KLC1: variants seen among roughly 807,000 people sequenced by gnomAD.
KLC1 encodes kinesin 2 60/70kDa.
A neutral mutation model predicts 84.2 loss-of-function variants in KLC1; 30 were observed. The observed-to-expected ratio is 0.36, with a 90% CI of 0.27 to 0.48. KLC1 has a LOEUF of 0.48. KLC1 is among the 20% of genes least tolerant of loss of function. The pLI is 0.99. For synonymous variants in KLC1, 289 were observed against 293.3 expected, an observed-to-expected ratio of 0.99 and a Z score of 0.15; for missense variants, 499 against 805.4, an observed-to-expected ratio of 0.62 and a Z score of 4.60.
intron 1 of KLC1, among the ~76,000 whole-genome samples, chr14:103,649,022 A>G (rs2078175534): frequency 6.6e-6 from 1 of 152,050 alleles, no homozygotes; most frequent in African/African-American, 2.4e-5. Context: ...CTGTAGTCCC[A>G]GCTACTTGGG....
chr14:103,673,895 C>T (rs2080645990), intron 9 of KLC1, among the ~76,000 whole-genome samples: 2 of 151,942 alleles, frequency 1.3e-5, no homozygotes. Flanking sequence ...TGCACTCCAG[C>T]CTGGGCAACA....
At chr14:103,644,214 CAAAAA>C (rs376316737) in intron 1 of KLC1, among the ~76,000 whole-genome samples, 3 of 59,098 alleles carry the variant, frequency 5.1e-5, no homozygotes, top group South Asian at 1.6e-3. Flanking sequence ...GACTCTGTCT[CAAAAA>C]AAAAAAAAAA....
At chr14:103,677,554 A>G (rs978690343) in intron 12 of KLC1, 31 bp downstream of exon 12, 11 of 1,331,960 alleles carry the variant, frequency 8.3e-6, no homozygotes, top group Admixed American at 1.8e-5. Flanking sequence ...TAACCGGCCC[A>G]TGGGAACTTT....
At chr14:103,649,562 C>CAAAA (rs35297746) in intron 1 of KLC1, among the ~76,000 whole-genome samples, 17 of 75,754 alleles carry the variant, frequency 2.2e-4, no homozygotes, top group African/African-American at 5.1e-4. Flanking sequence ...GACCTCATCT[C>CAAAA]AAAAAAAAAA....
In KLC1 at chr14:103,701,363, C is replaced by G; in HGVS notation, c.*164C>G. On this transcript the variant is annotated 3_prime_UTR_variant, in exon 17 of 17. Coordinates refer to ENST00000334553, the MANE Select transcript of KLC1 (RefSeq NM_001394837.1). ...GGACATGATACTAATAACCACACGG[C>G]TGGCGTGACCTTGGGGCTGGGGCTG... 2.8e-6 allele frequency: 2 copies of G among 708,234 alleles called. No homozygotes were observed. Among genetic ancestry groups the G allele is most frequent in the Non-Finnish European group, 4.5e-6 (2 of 444,966 alleles). The allele number at this position is 708,234 out of a possible 1,614,324, so 43.9% of individuals were successfully genotyped here.
intron 15 of KLC1, chr14:103,697,530 C>T (rs911500507): frequency 2.0e-5 from 3 of 151,964 alleles, no homozygotes; most frequent in African/African-American, 4.8e-5. Flanking sequence ...AGTACCTATC[C>T]CTAGGAGTTG....
chr14:103,696,812 G>A, intron 15 of KLC1: 4 of 985,502 alleles, frequency 4.1e-6, no homozygotes, highest in Non-Finnish European at 4.8e-6. Context: ...GGTCTTCAGG[G>A]CAAGACCCAT....
Position 103,694,596 on chromosome 14 carries a change from G to A in KLC1, c.1848+2171G>A, listed in dbSNP as rs961145543. ...GTAAAGAGCATACAAAACAGACGCC[G>A]AGGTGATCAGTGATTCCAAAGGCTG... On this transcript the variant is annotated intron_variant, in intron 15 of 16. Coordinates refer to ENST00000334553, the MANE Select transcript of KLC1 (RefSeq NM_001394837.1). The surrounding 1 kb of genome is among the most constrained non-coding windows in gnomAD (Gnocchi z 4.5). The A allele has an allele frequency of 6.1e-6, 6 of 985,374 alleles. No individual in the cohort carries two copies. The East Asian group carries it at 3.4e-4, about 56-fold the overall frequency. The allele number at this position is 985,374 out of a possible 1,614,324, so 61.0% of individuals were successfully genotyped here.
At chr14:103,650,438 C>T (rs55647106) in intron 1 of KLC1, among the ~76,000 whole-genome samples, 9 of 152,094 alleles carry the variant, frequency 5.9e-5, no homozygotes, top group Admixed American at 3.3e-4. Context: ...CAGGCATACA[C>T]GGCATGAGAG....
chr14:103,676,394 G>A (rs1299097885), intron 11 of KLC1, among the ~76,000 whole-genome samples: 1 of 152,020 alleles, frequency 6.6e-6, no homozygotes, highest in Non-Finnish European at 1.5e-5. Flanking sequence ...TCAGCCTCCC[G>A]AATAGCTGAG....
At chr14:103,653,437 T>G (rs1033283095) in intron 1 of KLC1, among the ~76,000 whole-genome samples, 3 of 152,110 alleles carry the variant, frequency 2.0e-5, no homozygotes, top group Non-Finnish European at 4.4e-5. Context: ...TTCTCGTGCC[T>G]CAGCCCCCTG....
chr14:103,639,858 C>T (rs1595252372), intron 1 of KLC1, among the ~76,000 whole-genome samples: 2 of 151,336 alleles, frequency 1.3e-5, no homozygotes, highest in African/African-American at 4.9e-5. Context: ...TCCTGGACTC[C>T]AGTGATACAC....
chr14:103,637,787 G>A (rs961070641), intron 1 of KLC1, among the ~76,000 whole-genome samples: 2 of 152,064 alleles, frequency 1.3e-5, no homozygotes, highest in African/African-American at 4.8e-5. Context: ...GCTCAGTGCA[G>A]CCTCGTGTTC....
chr14:103,690,981 A>G lies in KLC1; in HGVS notation c.1782-1378A>G, dbSNP rs541076601. Among the ~76,000 whole-genome samples the G allele has an allele frequency of 3.3e-5, 5 of 152,282 alleles. No individual in the cohort carries two copies. The East Asian group carries it at 9.7e-4, about 29-fold the overall frequency. On this transcript the variant is annotated intron_variant, in intron 14 of 16. Transcript: ENST00000334553. Reference sequence around the variant, plus strand: ...TAAAGTTGATTTCCCAGCTTTTAATATAGAAAGATAAAAAATATGACAGTA... The same window carrying G: ...TAAAGTTGATTTCCCAGCTTTTAATGTAGAAAGATAAAAAATATGACAGTA...
rs1373498052 is a variant in KLC1 at position 103,677,457 on chromosome 14, C to T, written c.1422C>T (p.Tyr474=). The change falls in exon 12 of 17, where the codon TAC becomes TAT. Residue 474 remains tyrosine, a synonymous_variant. Coordinates refer to ENST00000334553, the MANE Select transcript of KLC1 (RefSeq NM_001394837.1). ...CTCTAAAAAACCTTGGGGCACTTTACAGACGTCAAGGCAAATTTGAAGCTG... is the reference window on the plus strand; with the variant it reads ...CTCTAAAAAACCTTGGGGCACTTTATAGACGTCAAGGCAAATTTGAAGCTG... ...TTTLKNLGAL[Y]RRQGKFEAAE... 2.5e-6 allele frequency: 4 copies of T among 1,613,910 alleles called. No homozygotes were observed. The South Asian group carries it at 3.3e-5, about 13-fold the overall frequency.
chr14:103,685,677 C>T (rs765726595), intron 13 of KLC1: 84 of 1,289,514 alleles, frequency 6.5e-5, no homozygotes, highest in Middle Eastern at 4.3e-4. Flanking sequence ...TCCTGCATGA[C>T]GGGTGGCGCC....
chr14:103,646,667 A>G (rs1303860728), intron 1 of KLC1, among the ~76,000 whole-genome samples: 1 of 151,112 alleles, frequency 6.6e-6, no homozygotes, highest in Non-Finnish European at 1.5e-5. Flanking sequence ...AAAAGATGGG[A>G]CCCCTCTATG....
At chr14:103,647,061 C>T (rs942104009) in intron 1 of KLC1, among the ~76,000 whole-genome samples, 5 of 152,108 alleles carry the variant, frequency 3.3e-5, no homozygotes, top group Admixed American at 3.3e-4. Flanking sequence ...GGTTTTATTG[C>T]ATGCCATCTC....
intron 3 of KLC1, among the ~76,000 whole-genome samples, chr14:103,659,864 C>T (rs1010189954): frequency 6.6e-6 from 1 of 152,086 alleles, no homozygotes; most frequent in African/African-American, 2.4e-5. Context: ...GGGTCCGGTT[C>T]TGGGGAGGGC....
Sources: allele counts gnomAD v4.1 joint callset (sites outside exome capture counted in the v4.1 genomes callset), GRCh38; gene constraint gnomAD v4.1.1; non-coding constraint Gnocchi (gnomAD v3.1); transcripts MANE v1.5; gene names NCBI Gene and HGNC (gene_info 2026-07-23, HGNC 2026-07-21).